The following XG variants were observed in gnomAD, a reference collection of about 807,000 sequenced individuals.
The protein encoded by XG is Xg glycoprotein (Xg blood group), also known as glycoprotein Xg.
XG carries 24 observed loss-of-function variants against 25.7 expected under a neutral mutation model. The ratio of observed to expected loss-of-function variants is 0.93; its 90% CI spans 0.68 to 1.31. XG has a LOEUF of 1.31. Among genes scored for constraint, XG ranks in the 40% most tolerant of loss-of-function variants. The pLI, the probability that XG is intolerant of heterozygous loss-of-function variation, is 0.00. For missense variants in XG, 181 were observed against 187.6 expected, an observed-to-expected ratio of 0.96 and a Z score of 0.21; for synonymous variants, 77 against 69.2, an observed-to-expected ratio of 1.11 and a Z score of -0.56.
rs768074300 is a variant in XG at position 2,755,814 on chromosome X, C to A, written c.61+3479C>A. On this transcript the variant is annotated intron_variant, in intron 1 of 10. Coordinates refer to ENST00000644266, the MANE Select transcript of XG (RefSeq NM_001141919.2). ...ACCCTGTTTCATCCCCAGCCATCACCAGCTGGAAATGGGGCACATTCCCAA... is the reference window on the plus strand; with the variant it reads ...ACCCTGTTTCATCCCCAGCCATCACAAGCTGGAAATGGGGCACATTCCCAA... 1.1e-3 allele frequency among the ~76,000 whole-genome samples: 162 copies of A among 152,188 alleles called. 1 individual carries two copies. The highest frequency in any genetic ancestry group is 3.8e-3 in the African/African-American group (157 of 41,502).
At position 2,789,672 on chromosome X, in the gene XG, T is replaced by C. The variant is rs1255034783; in HGVS notation, c.219T>C (p.Pro73=). 5 of 1,162,892 alleles carry C rather than the reference T, an allele frequency of 4.3e-6. No homozygotes were observed. Among genetic ancestry groups the C allele is most frequent in the African/African-American group, 1.8e-5 (1 of 55,481 alleles). Residue 73 remains proline, a synonymous_variant, in exon 5 of 11, where the codon CCT becomes CCC. Transcript: ENST00000644266. ...TCTACCCAAGGCCAAAGCCACGCCCTCAACCCCAGCCTGGCAATTCCGGCA... is the reference window on the plus strand; with the variant it reads ...TCTACCCAAGGCCAAAGCCACGCCCCCAACCCCAGCCTGGCAATTCCGGCA... ...GNIYPRPKPR[P]QPQPGNSGNS...
chrX:2,762,075 C>T (rs942038766), intron 1 of XG, among the ~76,000 whole-genome samples: 1 of 152,272 alleles, frequency 6.6e-6, no homozygotes, highest in African/African-American at 2.4e-5. Flanking sequence ...CTGAGGGATC[C>T]GTGTGCATGC....
chrX:2,776,997 G>A (rs2051013107), intron 3 of XG, among the ~76,000 whole-genome samples: 2 of 152,218 alleles, frequency 1.3e-5, no homozygotes, highest in Admixed American at 6.5e-5. Context: ...CAGCTAAATT[G>A]CTGTTGGAGA....
At chrX:2,762,010 T>C (rs1468299200) in intron 1 of XG, among the ~76,000 whole-genome samples, 1 of 152,178 alleles carries the variant, frequency 6.6e-6, no homozygotes, top group Non-Finnish European at 1.5e-5. Flanking sequence ...TGAGAAACAC[T>C]GTGTCTTGGG....
At chrX:2,809,499 G>A (rs1229662942) in intron 9 of XG, among the ~76,000 whole-genome samples, 1 of 112,290 alleles carries the variant, frequency 8.9e-6, no homozygotes, top group Non-Finnish European at 1.9e-5. Flanking sequence ...TGACCACTTG[G>A]TAATGACAAT....
intron 2 of XG, among the ~76,000 whole-genome samples, chrX:2,773,809 A>G (rs111783615): frequency 6.6e-4 from 82 of 124,050 alleles, no homozygotes; most frequent in African/African-American, 1.7e-3. Context: ...GAAGGAGAGA[A>G]GGAAGGAAGG....
chrX:2,784,920 C>T (rs948138594), intron 4 of XG, among the ~76,000 whole-genome samples: 3 of 112,777 alleles, frequency 2.7e-5, no homozygotes, highest in African/African-American at 9.7e-5. Flanking sequence ...AATCAGTTTA[C>T]AAAGTTTATT....
At chrX:2,756,850 T>G (rs1365420405) in intron 1 of XG, among the ~76,000 whole-genome samples, 1 of 152,164 alleles carries the variant, frequency 6.6e-6, no homozygotes, top group African/African-American at 2.4e-5. Flanking sequence ...CACGGTAGCA[T>G]CTAGGGATGG....
intron 1 of XG, among the ~76,000 whole-genome samples, chrX:2,752,726 A>G (rs1047210392): frequency 6.6e-6 from 1 of 152,212 alleles, no homozygotes; most frequent in Non-Finnish European, 1.5e-5. Context: ...TCCATACAGT[A>G]AAAGTAGAGT....
At chrX:2,814,153 A>C (rs2087083041) in intron 10 of XG, among the ~76,000 whole-genome samples, 1 of 111,285 alleles carries the variant, frequency 9.0e-6, no homozygotes, top group Non-Finnish European at 1.9e-5. Flanking sequence ...TTCTAGCTTT[A>C]TTAAAGTATG....
At chrX:2,758,119 T>C (rs312232) in intron 1 of XG, among the ~76,000 whole-genome samples, 98,238 of 151,798 alleles carry the variant, frequency 0.65, 34,524 homozygotes, top group South Asian at 0.78. Flanking sequence ...GCTTCCATTC[T>C]GGTGCCCCCT....
intron 1 of XG, among the ~76,000 whole-genome samples, chrX:2,765,364 AAGAG>A (rs372969926): frequency 0.016 from 2,132 of 130,832 alleles, 55 homozygotes; most frequent in African/African-American, 0.056. Context: ...GAAAGAGAGA[AAGAG>A]GGAGGGAGGG....
At chrX:2,789,839 G>GATTCTATGTTATTTTACTATTTTATTTT in intron 5 of XG, 133 bp downstream of exon 5, 1 of 301,446 alleles carries the variant, frequency 3.3e-6, no homozygotes, top group Admixed American at 6.9e-5. Flanking sequence ...TATTTTATTT[G>GATTCTATGTTATTTTACTATTTTATTTT]ATTCTATGTT....
At chrX:2,760,328 G>A (rs1204775470) in intron 1 of XG, among the ~76,000 whole-genome samples, 1 of 152,074 alleles carries the variant, frequency 6.6e-6, no homozygotes, top group Non-Finnish European at 1.5e-5. Context: ...AATTGACCAT[G>A]TTCCATGGTT....
intron 1 of XG, among the ~76,000 whole-genome samples, chrX:2,754,987 G>A (rs765002041): frequency 6.6e-6 from 1 of 152,180 alleles, no homozygotes; most frequent in Non-Finnish European, 1.5e-5. Flanking sequence ...TGAGGATTTG[G>A]ACGGGGGCAG....
intron 1 of XG, among the ~76,000 whole-genome samples, chrX:2,768,494 G>A (rs904011960): frequency 2.6e-5 from 4 of 152,300 alleles, no homozygotes; most frequent in Admixed American, 2.6e-4. Flanking sequence ...GAGGCCAGGT[G>A]CGGTGGCTCA....
At chrX:2,765,086 G>A (rs774062034) in intron 1 of XG, among the ~76,000 whole-genome samples, 3 of 134,298 alleles carry the variant, frequency 2.2e-5, no homozygotes, top group East Asian at 4.6e-4. Flanking sequence ...GGCGGCTCAT[G>A]CCTGTAATCT....
chrX:2,757,887 G>A (rs924184628), intron 1 of XG, among the ~76,000 whole-genome samples: 7 of 146,112 alleles, frequency 4.8e-5, no homozygotes, highest in African/African-American at 1.3e-4. Context: ...CAGGAGAATC[G>A]CTTGAACCCA....
rs1420907459 is a variant in XG, at chrX:2,815,519, TG to T, written c.*1141del. ...GTCTTCAAAGAGAGAAGGTTGAAAG[TG>T]GAAAGCACTTGAAAGGGCTCCCCGG... On this transcript the variant is annotated 3_prime_UTR_variant, in exon 11 of 11. Transcript: ENST00000644266. 8.9e-6 allele frequency: 1 copy of T among 111,748 alleles called. No individual in the cohort carries two copies. The highest frequency in any genetic ancestry group is 1.9e-5 in the Non-Finnish European group (1 of 53,177). The allele number at this position is 111,748 out of a possible 1,213,427, so 9.2% of individuals were successfully genotyped here.
Sources: gnomAD v4.1 joint callset for allele counts (sites outside exome capture counted in the v4.1 genomes callset) on GRCh38, gnomAD v4.1.1 for gene constraint, MANE v1.5 for transcripts, NCBI Gene and HGNC (gene_info 2026-07-23, HGNC 2026-07-21) for gene names.